The following FAF1 variants were observed in gnomAD, a reference collection of about 807,000 sequenced individuals.
The protein encoded by FAF1 is Fas associated factor 1, also known as FAS-associated factor 1.
Under a neutral mutation model 92.5 loss-of-function variants are expected in FAF1, and 25 were observed. That is an observed-to-expected ratio of 0.27 (90% CI 0.20 to 0.38). The LOEUF (loss-of-function observed/expected upper bound fraction) is 0.38, where lower values mean the gene tolerates loss of function less well. FAF1 is among the 10% of genes least tolerant of loss of function. FAF1 has a pLI of 1.00. For missense variants in FAF1, 636 were observed against 793.3 expected (o/e 0.80, Z 2.38); for synonymous variants, 234 against 273.2 (o/e 0.86, Z 1.42).
At chr1:50,745,848 C>T (rs1418253902) in intron 4 of FAF1, among the ~76,000 whole-genome samples, 1 of 152,030 alleles carries the variant, frequency 6.6e-6, no homozygotes, top group Admixed American at 6.6e-5. Context: ...AATGTGGAAG[C>T]GTCTCTGAAA....
chr1:50,865,941 G>A lies in FAF1; in HGVS notation c.46-7944C>T, dbSNP rs564471257. 2.2e-3 allele frequency among the ~76,000 whole-genome samples: 333 copies of A among 150,088 alleles called. 2 individuals carry two copies. The highest frequency in any genetic ancestry group is 7.6e-3 in the African/African-American group (310 of 40,924). ...CAACTAAGCTCAATTACAAATGAAA[G>A]GGGAGATACTACAACTGATACTAAC... On this transcript the variant is annotated intron_variant, in intron 1 of 18. Transcript: ENST00000396153.
At chr1:50,874,656 G>A (rs922922748) in intron 1 of FAF1, among the ~76,000 whole-genome samples, 2 of 151,114 alleles carry the variant, frequency 1.3e-5, no homozygotes, top group Admixed American at 1.3e-4. Flanking sequence ...ACCATGCACA[G>A]CCAACTGCCC....
chr1:50,639,635 T>C (rs528722595), intron 8 of FAF1, among the ~76,000 whole-genome samples: 1 of 152,266 alleles, frequency 6.6e-6, no homozygotes, highest in South Asian at 2.1e-4. Context: ...CTCTTCTTTC[T>C]TTTTTAAGTA....
At chr1:50,707,768 G>A (rs1657746377) in intron 6 of FAF1, among the ~76,000 whole-genome samples, 1 of 152,096 alleles carries the variant, frequency 6.6e-6, no homozygotes, top group Admixed American at 6.6e-5. Flanking sequence ...ATAATGTGTG[G>A]CACACTACAG....
chr1:50,452,373 C>G (rs1646304311), intron 18 of FAF1, among the ~76,000 whole-genome samples: 1 of 152,144 alleles, frequency 6.6e-6, no homozygotes, highest in East Asian at 1.9e-4. Context: ...TACAGGTATG[C>G]TAAGATACTG....
chr1:50,461,051 A>C (rs957688170), intron 18 of FAF1, among the ~76,000 whole-genome samples: 1 of 152,200 alleles, frequency 6.6e-6, no homozygotes, highest in African/African-American at 2.4e-5. Context: ...ACAAGAACTT[A>C]ACCCTGTATT....
intron 6 of FAF1, among the ~76,000 whole-genome samples, chr1:50,723,090 AGGT>A (rs1254494553): frequency 2.0e-5 from 3 of 152,124 alleles, no homozygotes; most frequent in African/African-American, 7.2e-5. Flanking sequence ...GCAGATTATG[AGGT>A]GGTGGAGAAA....
rs568422080 is a variant in FAF1, at chr1:50,902,823, T to C, written c.46-44826A>G. On this transcript the variant is annotated intron_variant, in intron 1 of 18. Transcript: ENST00000396153. ...TGTTTTTTATATATATTATTTTTAT[T>C]GTGTTGGGTTTTCTCCCGAATATTT... Among the ~76,000 whole-genome samples, 23 of 152,300 alleles carry C rather than the reference T, an allele frequency of 1.5e-4. No individual in the cohort carries two copies. The East Asian group carries it at 4.0e-3, about 27-fold the overall frequency.
chr1:50,895,318 G>A (rs183363091), intron 1 of FAF1, among the ~76,000 whole-genome samples: 35 of 152,170 alleles, frequency 2.3e-4, no homozygotes, highest in Admixed American at 2.1e-3. Flanking sequence ...GAACCCTGGG[G>A]AAATCCAAAA....
chr1:50,602,611 T>C (rs1483439668), intron 8 of FAF1, among the ~76,000 whole-genome samples: 1 of 151,560 alleles, frequency 6.6e-6, no homozygotes, highest in East Asian at 1.9e-4. Context: ...CAAACGATTC[T>C]CCTGCCTCAG....
At chr1:50,955,922 G>C (rs1645262720) in intron 1 of FAF1, among the ~76,000 whole-genome samples, 1 of 152,160 alleles carries the variant, frequency 6.6e-6, no homozygotes, top group South Asian at 2.1e-4. Context: ...CTTATATGAG[G>C]TACCTATTAA....
At chr1:50,558,029 G>A (rs907379614) in intron 13 of FAF1, among the ~76,000 whole-genome samples, 4 of 151,896 alleles carry the variant, frequency 2.6e-5, no homozygotes, top group African/African-American at 7.3e-5. Context: ...CTCCCAAGTA[G>A]CTGGGACTAC....
At chr1:50,512,246 A>C (rs1647145894) in intron 15 of FAF1, among the ~76,000 whole-genome samples, 2 of 152,188 alleles carry the variant, frequency 1.3e-5, no homozygotes, top group African/African-American at 4.8e-5. Context: ...CAGTTTAATT[A>C]GATCCCATTT....
At chr1:50,779,946 AG>A (rs1312242278) in intron 4 of FAF1, among the ~76,000 whole-genome samples, 1 of 151,650 alleles carries the variant, frequency 6.6e-6, no homozygotes, top group African/African-American at 2.4e-5. Flanking sequence ...AAGAAAAAAA[AG>A]GAATCAAAGC....
intron 1 of FAF1, among the ~76,000 whole-genome samples, chr1:50,940,937 T>C (rs1645127694): frequency 6.6e-6 from 1 of 151,976 alleles, no homozygotes; most frequent in Admixed American, 6.5e-5. Context: ...TCTTTTTGCA[T>C]ACCATAAAGC....
At chr1:50,521,088 T>A (rs1034176356) in intron 15 of FAF1, among the ~76,000 whole-genome samples, 1 of 152,204 alleles carries the variant, frequency 6.6e-6, no homozygotes, top group Non-Finnish European at 1.5e-5. Flanking sequence ...TATAATCTGA[T>A]GTTCTGAACT....
In FAF1 at chr1:50,526,860, T is replaced by A. The variant is rs1647835035; in HGVS notation, c.1494+8509A>T. On this transcript the variant is annotated intron_variant, in intron 15 of 18. Transcript: ENST00000396153. ...TAACATTTGTTGTTACCTGACGACT[T>A]TTTTTTTTTTTTTGAGACAGAGACT... 3.0e-5 allele frequency among the ~76,000 whole-genome samples: 4 copies of A among 133,596 alleles called. No homozygotes were observed. In the South Asian group the frequency reaches 8.7e-4, roughly 29 times the overall value. 87.6% of individuals were successfully genotyped at this position (133,596 alleles called of 152,430 possible).
chr1:50,856,056 A>C (rs774915260), intron 2 of FAF1, among the ~76,000 whole-genome samples: 2 of 151,838 alleles, frequency 1.3e-5, no homozygotes, highest in Non-Finnish European at 2.9e-5. Flanking sequence ...AAAAATATTC[A>C]CTACCAGTAA....
chr1:50,623,065 T>G (rs1004746378), intron 8 of FAF1, among the ~76,000 whole-genome samples: 1 of 152,192 alleles, frequency 6.6e-6, no homozygotes. Flanking sequence ...TTCTCACCGG[T>G]TCCCAACTTT....
Sources: gnomAD v4.1 joint callset for allele counts (sites outside exome capture counted in the v4.1 genomes callset) on GRCh38, gnomAD v4.1.1 for gene constraint, MANE v1.5 for transcripts, NCBI Gene and HGNC (gene_info 2026-07-23, HGNC 2026-07-21) for gene names.